Variants in PCDHA3 observed in about 807,000 individuals in gnomAD.
PCDHA3 encodes the protein protocadherin alpha-3.
In PCDHA3, 41 loss-of-function variants were observed where a neutral mutation model predicts 62.2. That is an observed-to-expected ratio of 0.66 (90% CI 0.51 to 0.86). The LOEUF is 0.86. PCDHA3 is among the 40% of genes least tolerant of loss of function. PCDHA3 has a pLI of 0.00. For synonymous variants in PCDHA3, 640 were observed against 555.4 expected, an observed-to-expected ratio of 1.15 and a Z score of -2.14; for missense variants, 1,304 against 1,241.2, an observed-to-expected ratio of 1.05 and a Z score of -0.76.
At chr5:140,906,753 T>G (rs2072907402) in intron 1 of PCDHA3, among the ~76,000 whole-genome samples, 1 of 152,224 alleles carries the variant, frequency 6.6e-6, no homozygotes, top group Non-Finnish European at 1.5e-5. Context: ...CAGGGCATGG[T>G]AATACTAAGA....
intron 1 of PCDHA3, 22 bp from the exon 2 acceptor site, chr5:140,978,924 GAAA>G (rs781894146): frequency 6.2e-7 from 1 of 1,614,012 alleles, no homozygotes; most frequent in East Asian, 2.2e-5. Flanking sequence ...CATTTTAACA[GAAA>G]ACTCTCTTTG....
At chr5:140,910,311 A>G (rs928675389) in intron 1 of PCDHA3, among the ~76,000 whole-genome samples, 4 of 152,224 alleles carry the variant, frequency 2.6e-5, no homozygotes, top group African/African-American at 9.6e-5. Context: ...AGAGATCTAC[A>G]TGAGTCAGAC....
At chr5:140,854,461 G>A (rs1581342351) in intron 1 of PCDHA3, 1 of 149,954 alleles carries the variant, frequency 6.7e-6, no homozygotes, top group East Asian at 1.9e-4. Context: ...AGGCATTCCA[G>A]AGGAGTAGAG....
Position 140,803,539 on chromosome 5 carries a change from T to C in PCDHA3, c.2342T>C (p.Ile781Thr), listed in dbSNP as rs782740421. The C allele has an allele frequency of 2.5e-6, 4 of 1,614,214 alleles. No individual in the cohort carries two copies. The highest frequency in any genetic ancestry group is 2.2e-5 in the East Asian group (1 of 44,878). ...AGCCCTAGCCTTCCTCCTTGTCCAA[T>C]TAGCCGGGATAGAGAGGAGAAACAG... is the stretch of plus-strand genomic sequence containing the variant. Reference protein sequence around the residue: ...AFSPSLPPCPISRDREEKQDV... With the variant: ...AFSPSLPPCPTSRDREEKQDV... Residue 781 changes from isoleucine to threonine, a missense_variant, in exon 1 of 4, where the codon ATT becomes ACT. Ile to Thr is a moderately conservative substitution (Grantham distance 89, BLOSUM62 -1). Coordinates refer to ENST00000522353, the MANE Select transcript of PCDHA3 (RefSeq NM_018906.3).
At chr5:140,962,541 A>AGTT (rs2095690394) in intron 1 of PCDHA3, among the ~76,000 whole-genome samples, 1 of 152,220 alleles carries the variant, frequency 6.6e-6, no homozygotes, top group Non-Finnish European at 1.5e-5. Flanking sequence ...AGAACTAAAA[A>AGTT]TGTAGAGGAT....
At chr5:140,805,917 G>A (rs972152545) in intron 1 of PCDHA3, among the ~76,000 whole-genome samples, 2 of 152,204 alleles carry the variant, frequency 1.3e-5, no homozygotes, top group African/African-American at 4.8e-5. Flanking sequence ...TAAATATTTA[G>A]GAAATATTAG....
chr5:140,965,283 A>G (rs1342044804), intron 1 of PCDHA3, among the ~76,000 whole-genome samples: 1 of 152,200 alleles, frequency 6.6e-6, no homozygotes, highest in Non-Finnish European at 1.5e-5. Context: ...CACAGCATGG[A>G]AAGATTTCCT....
chr5:140,926,702 G>C (rs2083474783), intron 1 of PCDHA3: 1 of 832,476 alleles, frequency 1.2e-6, no homozygotes, highest in South Asian at 2.8e-5. Context: ...CCGGCTCCCA[G>C]CTGGCCAGCC....
chr5:140,875,651 T>A lies in PCDHA3; in HGVS notation c.2394+72060T>A, dbSNP rs782085221. The A allele has an allele frequency of 5.1e-5, 83 of 1,613,604 alleles. 1 individual carries two copies. The South Asian group carries it at 8.5e-4, about 16-fold the overall frequency. On this transcript the variant is annotated intron_variant, in intron 1 of 3. Coordinates refer to ENST00000522353, the MANE Select transcript of PCDHA3 (RefSeq NM_018906.3). Reference sequence around the variant, plus strand: ...CTGGGGCTGGAGCTGGCGGAGCTGGTGCCGCGCCTGTTCCGGGTGGCGTCC... The same window carrying A: ...CTGGGGCTGGAGCTGGCGGAGCTGGAGCCGCGCCTGTTCCGGGTGGCGTCC...
At chr5:140,889,745 T>G (rs1295441616) in intron 1 of PCDHA3, among the ~76,000 whole-genome samples, 2 of 152,202 alleles carry the variant, frequency 1.3e-5, no homozygotes, top group Non-Finnish European at 2.9e-5. Flanking sequence ...CAGAGTCTAA[T>G]TTTTCTTTCC....
chr5:140,819,746 AAG>A (rs1283118330), intron 1 of PCDHA3, among the ~76,000 whole-genome samples: 18 of 152,094 alleles, frequency 1.2e-4, no homozygotes, highest in Non-Finnish European at 2.4e-4. Flanking sequence ...ATCAAAAGTC[AAG>A]AGTCTTGTTT....
chr5:140,906,137 G>C (rs1462672499), intron 1 of PCDHA3, among the ~76,000 whole-genome samples: 1 of 152,008 alleles, frequency 6.6e-6, no homozygotes, highest in East Asian at 1.9e-4. Context: ...AGTCTCCTTT[G>C]ATAACACCCT....
chr5:140,822,739 A>C, intron 1 of PCDHA3: 1 of 1,613,636 alleles, frequency 6.2e-7, no homozygotes, highest in Non-Finnish European at 8.5e-7. Flanking sequence ...TATTGATGCC[A>C]TGGATAAAAG....
chr5:140,926,805 G>A, intron 1 of PCDHA3: 2 of 1,452,468 alleles, frequency 1.4e-6, no homozygotes, highest in Non-Finnish European at 9.0e-7. Flanking sequence ...GCTCTTCCCC[G>A]CGGCTCGTGC....
intron 1 of PCDHA3, chr5:140,860,800 C>A (rs1270356784): frequency 1.3e-5 from 2 of 152,198 alleles, no homozygotes; most frequent in Non-Finnish European, 2.9e-5. Context: ...TGCAGTGGCA[C>A]GATCTCGGCT....
intron 1 of PCDHA3, among the ~76,000 whole-genome samples, chr5:140,845,167 T>C (rs954186731): frequency 6.7e-6 from 1 of 149,652 alleles, no homozygotes; most frequent in Non-Finnish European, 1.5e-5. Context: ...CGAATTGTTT[T>C]CATTTTAGTC....
chr5:141,011,084 C>A lies in PCDHA3; in HGVS notation c.*1147C>A, dbSNP rs928216799. Reference sequence around the variant, plus strand: ...CATGTATTACTAAATAAAATGATCTCTCTTTCTCTCTCTCTCTCTCTTTTC... The same window carrying A: ...CATGTATTACTAAATAAAATGATCTATCTTTCTCTCTCTCTCTCTCTTTTC... On this transcript the variant is annotated 3_prime_UTR_variant, in exon 4 of 4. Transcript: ENST00000522353. 1.3e-5 allele frequency: 2 copies of A among 153,722 alleles called. No individual in the cohort carries two copies. The highest frequency in any genetic ancestry group is 2.9e-5 in the Non-Finnish European group (2 of 68,048). The allele number at this position is 153,722 out of a possible 1,614,324, so 9.5% of individuals were successfully genotyped here.
chr5:140,866,563 G>A (rs1163893808), intron 1 of PCDHA3: 31 of 152,118 alleles, frequency 2.0e-4, no homozygotes, highest in Admixed American at 2.0e-3. Flanking sequence ...CTATAATTTT[G>A]TTAATACAGT....
chr5:140,843,178 C>A (rs2150354589), intron 1 of PCDHA3: 1 of 1,596,102 alleles, frequency 6.3e-7, no homozygotes, highest in East Asian at 2.2e-5. Flanking sequence ...GCAGCCCTCG[C>A]ATCCCGTTCC....
Sources: gnomAD v4.1 joint callset for allele counts (sites outside exome capture counted in the v4.1 genomes callset) on GRCh38, gnomAD v4.1.1 for gene constraint, MANE v1.5 for transcripts, NCBI Gene and HGNC (gene_info 2026-07-23, HGNC 2026-07-21) for gene names.